Variants in PCCA observed in about 807,000 individuals in gnomAD.
The protein encoded by PCCA is propionyl-CoA carboxylase alpha chain, mitochondrial.
Under a neutral mutation model 101.3 loss-of-function variants are expected in PCCA, and 74 were observed. That is an observed-to-expected ratio of 0.73 (90% CI 0.61 to 0.89). The LOEUF (loss-of-function observed/expected upper bound fraction) is 0.89. Ranked by LOEUF, PCCA falls within the 40% of genes least tolerant of loss-of-function variation. PCCA has a pLI of 0.00. For synonymous variants in PCCA, 294 were observed against 313.6 expected (o/e 0.94, Z 0.66); for missense variants, 891 against 907.0 (o/e 0.98, Z 0.23).
At chr13:100,392,070 T>C (rs1417783135) in intron 19 of PCCA, among the ~76,000 whole-genome samples, 1 of 152,216 alleles carries the variant, frequency 6.6e-6, no homozygotes. Context: ...TATTTCTTTG[T>C]CCACTTGTTT....
At chr13:100,256,207 A>G (rs537771059) in intron 8 of PCCA, among the ~76,000 whole-genome samples, 2 of 152,052 alleles carry the variant, frequency 1.3e-5, no homozygotes, top group South Asian at 2.1e-4. Context: ...GAGTTTCACC[A>G]TGTTGGCCAG....
chr13:100,248,554 T>A (rs1440348927), intron 8 of PCCA, among the ~76,000 whole-genome samples: 1 of 152,204 alleles, frequency 6.6e-6, no homozygotes, highest in Non-Finnish European at 1.5e-5. Context: ...CATATAATAT[T>A]GAGCATCTTT....
At chr13:100,170,629 A>G (rs930932634) in intron 6 of PCCA, among the ~76,000 whole-genome samples, 3 of 152,218 alleles carry the variant, frequency 2.0e-5, no homozygotes, top group African/African-American at 7.2e-5. Context: ...GTGCATGTGT[A>G]CATGTTCCTA....
At chr13:100,139,142 T>G (rs2051558426) in intron 4 of PCCA, among the ~76,000 whole-genome samples, 1 of 151,972 alleles carries the variant, frequency 6.6e-6, no homozygotes, top group African/African-American at 2.4e-5. Context: ...ATAGTTAATG[T>G]GTTGTTTTTC....
In PCCA at chr13:100,307,190, A is replaced by G. The variant is rs2066519077; in HGVS notation, c.1285-2A>G. 6.2e-7 allele frequency: 1 copy of G among 1,606,658 alleles called. No individual in the cohort carries two copies. The highest frequency in any genetic ancestry group is 1.3e-5 in the African/African-American group (1 of 74,882). ...TTTTCTTTTTTTCTTTTTTTCTCCC[A>G]GGTCCGAGTGGACAGTGGCATCCAA... On this transcript the variant is annotated splice_acceptor_variant, in intron 14 of 23. Coordinates refer to ENST00000376285, the MANE Select transcript of PCCA (RefSeq NM_000282.4). LOFTEE classifies it high-confidence loss of function.
At chr13:100,277,005 A>G (rs1261196899) in intron 12 of PCCA, among the ~76,000 whole-genome samples, 1 of 152,112 alleles carries the variant, frequency 6.6e-6, no homozygotes, top group African/African-American at 2.4e-5. Context: ...ACCTAAGATG[A>G]TGGATTCTTT....
At chr13:100,328,689 A>ATTTTTTTTTTTT (rs757599001) in intron 16 of PCCA, among the ~76,000 whole-genome samples, 1 of 98,220 alleles carries the variant, frequency 1.0e-5, no homozygotes, top group Non-Finnish European at 2.0e-5. Context: ...GTTGAGGTTA[A>ATTTTTTTTTTTT]TTTTTTTTTT....
At chr13:100,399,442 A>G (rs796286773) in intron 19 of PCCA, among the ~76,000 whole-genome samples, 12 of 152,294 alleles carry the variant, frequency 7.9e-5, no homozygotes, top group Admixed American at 2.0e-4. Context: ...TAATTTGCAA[A>G]AATATATTTT....
chr13:100,119,238 A>G (rs2049125537), intron 4 of PCCA, among the ~76,000 whole-genome samples: 1 of 152,102 alleles, frequency 6.6e-6, no homozygotes, highest in Middle Eastern at 3.2e-3. Flanking sequence ...TATTTAATTT[A>G]AAGAATCTAT....
intron 18 of PCCA, among the ~76,000 whole-genome samples, chr13:100,351,131 A>G (rs2152778121): frequency 6.6e-6 from 1 of 152,222 alleles, no homozygotes; most frequent in East Asian, 1.9e-4. Context: ...TGATTTTTGA[A>G]TTGAAACTAA....
chr13:100,236,403 A>T (rs1007380952), intron 8 of PCCA: 1 of 154,330 alleles, frequency 6.5e-6, no homozygotes, highest in Non-Finnish European at 1.4e-5. Flanking sequence ...GCTGTTTTAC[A>T]TGTACTTGTA....
intron 1 of PCCA, among the ~76,000 whole-genome samples, chr13:100,095,290 A>T (rs1170809076): frequency 6.6e-6 from 1 of 152,180 alleles, no homozygotes; most frequent in South Asian, 2.1e-4. Context: ...TGGCAAAGAC[A>T]CTTTATCACA....
intron 8 of PCCA, among the ~76,000 whole-genome samples, chr13:100,244,985 A>G (rs1038797708): frequency 6.6e-6 from 1 of 150,698 alleles, no homozygotes; most frequent in African/African-American, 2.4e-5. Context: ...AGAGATGTGG[A>G]TAAATCATAG....
intron 19 of PCCA, among the ~76,000 whole-genome samples, chr13:100,403,968 A>G (rs2077521250): frequency 6.6e-6 from 1 of 152,178 alleles, no homozygotes. Flanking sequence ...AACTGCCATT[A>G]GAATACGGAT....
intron 7 of PCCA, among the ~76,000 whole-genome samples, chr13:100,222,206 A>G (rs1334784369): frequency 6.6e-6 from 1 of 151,760 alleles, no homozygotes; most frequent in Non-Finnish European, 1.5e-5. Flanking sequence ...ATGCCTGGCT[A>G]ATTTTTGTAT....
intron 7 of PCCA, among the ~76,000 whole-genome samples, chr13:100,219,290 A>G (rs1035702069): frequency 4.6e-5 from 7 of 151,950 alleles, no homozygotes; most frequent in African/African-American, 1.7e-4. Context: ...TGCCTTTTTG[A>G]TATCTTCAAT....
intron 21 of PCCA, chr13:100,464,649 C>T (rs550437713): frequency 6.6e-6 from 1 of 152,124 alleles, no homozygotes; most frequent in East Asian, 1.9e-4. Flanking sequence ...TGGTTATGAC[C>T]CCTTAACATA....
intron 21 of PCCA, among the ~76,000 whole-genome samples, chr13:100,478,863 C>T (rs1322953617): frequency 1.3e-5 from 2 of 152,170 alleles, no homozygotes; most frequent in Non-Finnish European, 2.9e-5. Context: ...ATTATAGTAA[C>T]AGAATTCTTG....
At chr13:100,177,993 T>C (rs1246503694) in intron 6 of PCCA, among the ~76,000 whole-genome samples, 1 of 152,218 alleles carries the variant, frequency 6.6e-6, no homozygotes, top group Non-Finnish European at 1.5e-5. Context: ...GGTAGAATTC[T>C]GAATTGAAGG....
Sources: gnomAD v4.1 joint callset for allele counts (sites outside exome capture counted in the v4.1 genomes callset) on GRCh38, gnomAD v4.1.1 for gene constraint, MANE v1.5 for transcripts, NCBI Gene and HGNC (gene_info 2026-07-23, HGNC 2026-07-21) for gene names.